Variants in GALNT1 observed in about 807,000 individuals in gnomAD.
GALNT1 encodes the protein GalNAc transferase 1.
Under a neutral mutation model 65.7 loss-of-function variants are expected in GALNT1, and 17 were observed. The observed-to-expected ratio is 0.26, with a 90% CI of 0.18 to 0.39. The LOEUF (loss-of-function observed/expected upper bound fraction) is 0.39. Ranked by LOEUF, GALNT1 falls within the 10% of genes least tolerant of loss-of-function variation. The pLI is 1.00. For missense variants in GALNT1, 460 were observed against 672.8 expected (o/e 0.68, Z 3.50); for synonymous variants, 210 against 219.7 (o/e 0.96, Z 0.39).
intron 1 of GALNT1, among the ~76,000 whole-genome samples, chr18:35,594,880 G>T (rs1256013253): frequency 1.3e-5 from 2 of 152,174 alleles, no homozygotes; most frequent in Non-Finnish European, 2.9e-5. Context: ...GCAGGTTGGT[G>T]TTGAGACTCG....
At chr18:35,637,948 G>C (rs1162319793) in intron 1 of GALNT1, among the ~76,000 whole-genome samples, 2 of 152,160 alleles carry the variant, frequency 1.3e-5, no homozygotes, top group African/African-American at 4.8e-5. Context: ...AACAACAAAG[G>C]CTGGATGACA....
chr18:35,604,497 C>T (rs1209229774), intron 1 of GALNT1, among the ~76,000 whole-genome samples: 2 of 152,200 alleles, frequency 1.3e-5, no homozygotes, highest in Non-Finnish European at 2.9e-5. Context: ...CTCCAAGCTG[C>T]TTTCCACAGT....
At chr18:35,662,183 G>A (rs986266806) in intron 2 of GALNT1, among the ~76,000 whole-genome samples, 4 of 152,114 alleles carry the variant, frequency 2.6e-5, no homozygotes, top group East Asian at 1.9e-4. Flanking sequence ...TACTACACTT[G>A]TTGATGATTT....
rs145726000 is a variant in GALNT1 at position 35,628,462 on chromosome 18, G to A, written c.-103-26098G>A. ...GCTGATACCCAGGCAAACAGGGTCT[G>A]GAGTGGACCTCCAGCAAACTCCAAG... On this transcript the variant is annotated intron_variant, in intron 1 of 11. Coordinates refer to ENST00000269195, the MANE Select transcript of GALNT1 (RefSeq NM_020474.4). 7.3e-3 allele frequency among the ~76,000 whole-genome samples: 1,113 copies of A among 152,310 alleles called. 14 individuals carry two copies. Among genetic ancestry groups the A allele is most frequent in the African/African-American group, 0.026 (1,064 of 41,552 alleles).
rs1305113652 is a variant in GALNT1, at chr18:35,687,031, T to C, written c.705T>C (p.Cys235=). 1.2e-6 allele frequency: 2 copies of C among 1,612,584 alleles called. No individual in the cohort carries two copies. Among genetic ancestry groups the C allele is most frequent in the Non-Finnish European group, 8.5e-7 (1 of 1,179,332 alleles). ...ATGACATCAGGAGAACAGTGGTGTGTCCCATCATCGATGTGATCAGTGATG... is the reference window on the plus strand; with the variant it reads ...ATGACATCAGGAGAACAGTGGTGTGCCCCATCATCGATGTGATCAGTGATG... ...RIKHDRRTVV[C]PIIDVISDDT... is the part of the protein sequence containing the mutation. Residue 235 remains cysteine (C), a synonymous_variant, in exon 6 of 12, where the codon TGT becomes TGC. Transcript: ENST00000269195.
In GALNT1 at chr18:35,703,685, C is replaced by T. The variant is rs564999583; in HGVS notation, c.1533+42C>T. The T allele has an allele frequency of 3.0e-5, 48 of 1,594,088 alleles. No homozygotes were observed. In the East Asian group the frequency reaches 6.3e-4, roughly 21 times the overall value. On this transcript the variant is annotated intron_variant, in intron 11 of 11. Transcript: ENST00000269195. Reference sequence around the variant, plus strand: ...CCTATAGTAATAAAATTATGTGTGTCACTGGGTATATTTATATACTTTATA... The same window carrying T: ...CCTATAGTAATAAAATTATGTGTGTTACTGGGTATATTTATATACTTTATA...
At chr18:35,649,789 G>A (rs1373026756) in intron 1 of GALNT1, among the ~76,000 whole-genome samples, 1 of 152,134 alleles carries the variant, frequency 6.6e-6, no homozygotes, top group African/African-American at 2.4e-5. Flanking sequence ...ATTGTATATG[G>A]ATATCTAATT....
At chr18:35,639,171 G>T (rs1246626192) in intron 1 of GALNT1, among the ~76,000 whole-genome samples, 1 of 152,162 alleles carries the variant, frequency 6.6e-6, no homozygotes, top group Non-Finnish European at 1.5e-5. Context: ...AAACAGCATT[G>T]CATGCTGTAG....
chr18:35,667,451 CAT>C (rs773858222), intron 3 of GALNT1, among the ~76,000 whole-genome samples: 1 of 152,184 alleles, frequency 6.6e-6, no homozygotes, highest in East Asian at 1.9e-4. Flanking sequence ...GATAAGGACT[CAT>C]AGAAAAGAAA....
At chr18:35,690,969 AT>A (rs1430705788) in intron 7 of GALNT1, 42 bp from the exon 8 acceptor site, 1 of 1,472,620 alleles carries the variant, frequency 6.8e-7, no homozygotes, top group Non-Finnish European at 9.1e-7. Context: ...ACATTTCCTG[AT>A]TACTCAGCTA....
At chr18:35,672,491 T>TC (rs2047650851) in intron 3 of GALNT1, among the ~76,000 whole-genome samples, 2 of 152,292 alleles carry the variant, frequency 1.3e-5, no homozygotes, top group African/African-American at 4.8e-5. Context: ...TGCAGCTTTT[T>TC]CACCACCTTT....
intron 2 of GALNT1, among the ~76,000 whole-genome samples, chr18:35,660,593 CT>C (rs1212325108): frequency 6.6e-6 from 1 of 152,068 alleles, no homozygotes; most frequent in Non-Finnish European, 1.5e-5. Flanking sequence ...ATTTCAGTTT[CT>C]TTCTAATAAA....
chr18:35,674,554 ATGCC>A (rs1198971434), intron 3 of GALNT1, among the ~76,000 whole-genome samples: 12 of 152,344 alleles, frequency 7.9e-5, no homozygotes, highest in African/African-American at 2.9e-4. Flanking sequence ...GAGCTTAGGC[ATGCC>A]TCATGCATAC....
chr18:35,663,629 T>C lies in GALNT1; in HGVS notation c.141T>C (p.Val47=). Residue 47 remains valine (V), a splice_region_variant and synonymous_variant, in exon 3 of 12, where the codon GTT becomes GTC. Transcript: ENST00000269195. ...KKERGLPAGD[V]LEPVQKPHEG... is the part of the protein sequence containing the mutation. ...AGTTAAGTTTCTTCCTATTCTTAGT[T>C]CTAGAGCCAGTACAAAAGCCTCATG... 1 of 1,607,276 alleles carries C rather than the reference T, an allele frequency of 6.2e-7. No individual in the cohort carries two copies. Among genetic ancestry groups the C allele is most frequent in the Non-Finnish European group, 8.5e-7 (1 of 1,178,250 alleles).
rs1394604313 is a variant in GALNT1, at chr18:35,582,926, C to A, written c.-104+1064C>A. Reference sequence around the variant, plus strand: ...CTATTAAAATTAAATTTTAAAAATTCAGCTCCTCGGTCACAGTAGCCACAT... The same window carrying A: ...CTATTAAAATTAAATTTTAAAAATTAAGCTCCTCGGTCACAGTAGCCACAT... On this transcript the variant is annotated intron_variant, in intron 1 of 11. Transcript: ENST00000269195. Among the ~76,000 whole-genome samples, 3 of 152,328 alleles carry A rather than the reference C, an allele frequency of 2.0e-5. No individual in the cohort carries two copies. In the East Asian group the frequency reaches 5.8e-4, roughly 29 times the overall value.
intron 1 of GALNT1, among the ~76,000 whole-genome samples, chr18:35,611,779 T>C (rs1256039185): frequency 6.6e-6 from 1 of 152,206 alleles, no homozygotes; most frequent in African/African-American, 2.4e-5. Flanking sequence ...TACGTTGTTG[T>C]GGTAAATGCA....
chr18:35,677,779 C>T lies in GALNT1; in HGVS notation c.481+22C>T, dbSNP rs749517345. On this transcript the variant is annotated intron_variant, in intron 4 of 11. Coordinates refer to ENST00000269195, the MANE Select transcript of GALNT1 (RefSeq NM_020474.4). ...AGAGGTAAATTTTAAATTTTAATGC[C>T]AATAATTTGCTACACCTTTTGTCAC... 3.9e-6 allele frequency: 6 copies of T among 1,548,680 alleles called. No homozygotes were observed. In the East Asian group the frequency reaches 1.2e-4, roughly 30 times the overall value.
At chr18:35,665,089 CT>C in intron 3 of GALNT1, among the ~76,000 whole-genome samples, 1 of 152,318 alleles carries the variant, frequency 6.6e-6, no homozygotes, top group Admixed American at 6.5e-5. Context: ...TATTCAGCCT[CT>C]TGGTCTTCCA....
chr18:35,641,194 C>T (rs867929814), intron 1 of GALNT1, among the ~76,000 whole-genome samples: 12 of 152,238 alleles, frequency 7.9e-5, no homozygotes, highest in Non-Finnish European at 1.8e-4. Flanking sequence ...CCTGTAATCC[C>T]AGCACTTTGG....
Sources: gnomAD v4.1 joint callset for allele counts (sites outside exome capture counted in the v4.1 genomes callset) on GRCh38, gnomAD v4.1.1 for gene constraint, MANE v1.5 for transcripts, NCBI Gene and HGNC (gene_info 2026-07-23, HGNC 2026-07-21) for gene names.